GATB: variants seen among roughly 807,000 people sequenced by gnomAD.
GATB encodes the protein glutamyl-tRNA(Gln) amidotransferase subunit B, mitochondrial.
Under a neutral mutation model 62.3 loss-of-function variants are expected in GATB, and 39 were observed. That is an observed-to-expected ratio of 0.63 (90% confidence interval 0.48 to 0.82). GATB has a LOEUF of 0.82. Ranked by LOEUF, GATB falls within the 40% of genes least tolerant of loss-of-function variation. The pLI is 0.00. For missense variants in GATB, 670 were observed against 684.0 expected, an observed-to-expected ratio of 0.98 and a Z score of 0.23; for synonymous variants, 276 against 258.9, an observed-to-expected ratio of 1.07 and a Z score of -0.63.
At chr4:151,754,439 G>T (rs1189762036) in intron 2 of GATB, among the ~76,000 whole-genome samples, 1 of 152,144 alleles carries the variant, frequency 6.6e-6, no homozygotes, top group African/African-American at 2.4e-5. Flanking sequence ...TAGTGCAACT[G>T]CCTGCTTGCT....
chr4:151,694,462 C>A (rs1375061380), intron 9 of GATB, among the ~76,000 whole-genome samples: 1 of 152,196 alleles, frequency 6.6e-6, no homozygotes, highest in African/African-American at 2.4e-5. Context: ...TTAGATGATA[C>A]ATCTTTTTAT....
intron 9 of GATB, among the ~76,000 whole-genome samples, chr4:151,700,223 T>C (rs1236666240): frequency 6.6e-6 from 1 of 152,240 alleles, no homozygotes; most frequent in Admixed American, 6.5e-5. Context: ...TGTGCTCATC[T>C]GTGCTGAGTA....
intron 2 of GATB, among the ~76,000 whole-genome samples, chr4:151,731,596 C>T (rs1297554997): frequency 2.0e-5 from 3 of 152,062 alleles, no homozygotes; most frequent in Non-Finnish European, 4.4e-5. Context: ...ATGTGAGGAA[C>T]GCCTCTGCCC....
At chr4:151,690,939 C>T (rs1738353827) in intron 9 of GATB, among the ~76,000 whole-genome samples, 1 of 152,220 alleles carries the variant, frequency 6.6e-6, no homozygotes, top group Non-Finnish European at 1.5e-5. Context: ...TCAATAAAAG[C>T]TGCACATGGG....
intron 2 of GATB, among the ~76,000 whole-genome samples, chr4:151,747,693 G>A: frequency 6.6e-6 from 1 of 152,338 alleles, no homozygotes; most frequent in East Asian, 1.9e-4. Flanking sequence ...AAGGGATGCA[G>A]ACTTCTCATC....
Position 151,716,921 on chromosome 4 carries a change from G to T in GATB, c.595C>A (p.His199Asn). 1.9e-6 allele frequency: 3 copies of T among 1,614,166 alleles called. No individual in the cohort carries two copies. Among genetic ancestry groups the T allele is most frequent in the Non-Finnish European group, 2.5e-6 (3 of 1,180,022 alleles). ...AGCGTCTGAGACCTCAGGTTGTCGT[G>T]GAGGCTTTTGCCACTGTCTTGCTCC... Reference protein sequence around the residue: ...QLEQDSGKSLHDNLRSQTLID... With the variant: ...QLEQDSGKSLNDNLRSQTLID... Residue 199 changes from histidine to asparagine, a missense_variant, in exon 4 of 13, where the codon CAC becomes AAC. His to Asn is a moderately conservative substitution (Grantham distance 68). Coordinates refer to ENST00000263985, the MANE Select transcript of GATB (RefSeq NM_004564.3).
chr4:151,710,818 C>T (rs1738803089), intron 5 of GATB, among the ~76,000 whole-genome samples: 1 of 152,170 alleles, frequency 6.6e-6, no homozygotes, highest in Admixed American at 6.5e-5. Flanking sequence ...TGGACGGATA[C>T]AGTTTTAAAT....
intron 9 of GATB, among the ~76,000 whole-genome samples, chr4:151,698,809 G>T (rs756317799): frequency 7.9e-5 from 12 of 151,682 alleles, no homozygotes; most frequent in Non-Finnish European, 1.6e-4. Flanking sequence ...TTATCTGCAA[G>T]CCATAAAAAT....
chr4:151,706,143 T>C (rs545840803), intron 6 of GATB, among the ~76,000 whole-genome samples: 42 of 152,336 alleles, frequency 2.8e-4, no homozygotes, highest in African/African-American at 9.9e-4. Flanking sequence ...GTGATCTCTT[T>C]GGTTGACACG....
At chr4:151,689,069 T>A (rs888070029) in intron 9 of GATB, among the ~76,000 whole-genome samples, 1 of 152,208 alleles carries the variant, frequency 6.6e-6, no homozygotes, top group Non-Finnish European at 1.5e-5. Flanking sequence ...TTTCTCCGTG[T>A]CTGCTGTGTG....
chr4:151,713,416 T>C (rs1436497219), intron 5 of GATB, among the ~76,000 whole-genome samples: 1 of 152,158 alleles, frequency 6.6e-6, no homozygotes, highest in African/African-American at 2.4e-5. Flanking sequence ...ACAAAGCCAC[T>C]GAGCTATTCC....
At chr4:151,750,349 T>A (rs1739696800) in intron 2 of GATB, among the ~76,000 whole-genome samples, 1 of 152,218 alleles carries the variant, frequency 6.6e-6, no homozygotes, top group Non-Finnish European at 1.5e-5. Flanking sequence ...TTCCTATTTT[T>A]AAATAATATG....
chr4:151,672,840 T>C lies in GATB; in HGVS notation c.1467A>G (p.Glu489=), dbSNP rs1410788871. The C allele has an allele frequency of 1.2e-6, 2 of 1,614,172 alleles. No individual in the cohort carries two copies. Among genetic ancestry groups the C allele is most frequent in the Admixed American group, 3.3e-5 (2 of 60,026 alleles). The change falls in exon 12 of 13, where the codon GAA becomes GAG. Residue 489 remains glutamate (E), a synonymous_variant. Transcript: ENST00000263985. ...GGTCCTGCATCAGTTCAAGCTGCTT[T>C]TCTGAAACAATCTGCCCTGGAGTCT... The part of the protein sequence containing the change: ...EGKTPGQIVS[E]KQLELMQDQG...
chr4:151,729,759 T>C (rs1739206804), intron 2 of GATB, among the ~76,000 whole-genome samples: 1 of 152,148 alleles, frequency 6.6e-6, no homozygotes, highest in African/African-American at 2.4e-5. Flanking sequence ...CTAGGTGAGA[T>C]GGTACAAGCC....
At position 151,670,793 on chromosome 4, in the gene GATB, T is replaced by C. The variant is rs562486223; in HGVS notation, c.*381A>G. On this transcript the variant is annotated 3_prime_UTR_variant, in exon 13 of 13. Transcript: ENST00000263985. ...ACCTACAATGGCTGGCCCTTAGGAG[T>C]TGCTCAAAAATATTTGTTGAAGGAA... is the stretch of plus-strand genomic sequence containing the variant. The C allele has an allele frequency of 9.1e-5, 16 of 175,960 alleles. No individual in the cohort carries two copies. The South Asian group carries it at 2.4e-3, about 27-fold the overall frequency. 10.9% of individuals were successfully genotyped at this position (175,960 alleles called of 1,614,324 possible). A position where few individuals can be genotyped will look rare whatever the true frequency, so the allele number is the denominator to read the frequency against.
At chr4:151,716,748 T>G in intron 4 of GATB, 128 bp downstream of exon 4, 1 of 761,426 alleles carries the variant, frequency 1.3e-6, no homozygotes, top group Non-Finnish European at 2.1e-6. Flanking sequence ...GATATTTTAG[T>G]CTCCATCTAT....
At chr4:151,725,328 C>T (rs1204912325) in intron 2 of GATB, among the ~76,000 whole-genome samples, 1 of 152,272 alleles carries the variant, frequency 6.6e-6, no homozygotes. Context: ...GAGCAGCCTC[C>T]CTGCCATTCA....
chr4:151,757,680 T>C (rs1050170789), intron 2 of GATB, among the ~76,000 whole-genome samples: 3 of 152,090 alleles, frequency 2.0e-5, no homozygotes, highest in African/African-American at 7.2e-5. Flanking sequence ...GGTTTCACCG[T>C]GTTAGCCAGG....
intron 5 of GATB, among the ~76,000 whole-genome samples, chr4:151,714,236 T>G (rs1185939626): frequency 2.0e-5 from 3 of 152,140 alleles, no homozygotes; most frequent in African/African-American, 4.8e-5. Context: ...CAGAAGCAAT[T>G]AGGCTTCATT....
Sources: gnomAD v4.1 joint callset for allele counts (sites outside exome capture counted in the v4.1 genomes callset) on GRCh38, gnomAD v4.1.1 for gene constraint, MANE v1.5 for transcripts, NCBI Gene and HGNC (gene_info 2026-07-23, HGNC 2026-07-21) for gene names.